The following HEATR5B variants were observed in gnomAD, a reference collection of about 807,000 sequenced individuals.
HEATR5B encodes the protein HEAT repeat-containing protein 5B.
Under a neutral mutation model 224.1 loss-of-function variants are expected in HEATR5B, and 156 were observed. The observed-to-expected ratio is 0.70, with a 90% CI of 0.61 to 0.80. HEATR5B has a LOEUF of 0.80. HEATR5B is among the 30% of genes least tolerant of loss of function. The pLI is 0.00. For missense variants in HEATR5B, 2,323 were observed against 2,535.5 expected, an observed-to-expected ratio of 0.92 and a Z score of 1.80; for synonymous variants, 1,027 against 893.0, an observed-to-expected ratio of 1.15 and a Z score of -2.68.
At chr2:37,004,821 A>G (rs1267910695) in intron 30 of HEATR5B, among the ~76,000 whole-genome samples, 1 of 151,742 alleles carries the variant, frequency 6.6e-6, no homozygotes, top group Non-Finnish European at 1.5e-5. Context: ...CAAGCTTCCA[A>G]TCTTGGTCCT....
chr2:37,041,758 TTAA>T (rs3084396), intron 18 of HEATR5B, among the ~76,000 whole-genome samples: 30 of 149,388 alleles, frequency 2.0e-4, no homozygotes, highest in Non-Finnish European at 3.3e-4. Flanking sequence ...AATAATAATA[TTAA>T]TAATAATAAT....
chr2:37,033,268 T>C (rs1217496299), intron 21 of HEATR5B, among the ~76,000 whole-genome samples: 1 of 152,166 alleles, frequency 6.6e-6, no homozygotes, highest in African/African-American at 2.4e-5. Context: ...GATGGCCTTT[T>C]GACAAAATAC....
intron 27 of HEATR5B, among the ~76,000 whole-genome samples, chr2:37,013,045 TAAA>T (rs1667887397): frequency 6.6e-6 from 1 of 151,820 alleles, no homozygotes. Context: ...GAGCTGAAGC[TAAA>T]CAACACTTTG....
chr2:36,985,520 T>G (rs371491438), intron 35 of HEATR5B, among the ~76,000 whole-genome samples: 4 of 147,948 alleles, frequency 2.7e-5, no homozygotes, highest in Non-Finnish European at 4.5e-5. Context: ...TGCAGTGGTG[T>G]GATCTCGGCT....
intron 3 of HEATR5B, among the ~76,000 whole-genome samples, chr2:37,078,052 T>C (rs1423466240): frequency 6.6e-6 from 1 of 152,220 alleles, no homozygotes. Flanking sequence ...AGCGGATGCT[T>C]TGGAGTCTAG....
At position 37,028,871 on chromosome 2, in the gene HEATR5B, G is replaced by T. The variant is rs778119805; in HGVS notation, c.3411C>A (p.Cys1137Ter). The T allele has an allele frequency of 6.2e-7, 1 of 1,613,810 alleles. No individual in the cohort carries two copies. Among genetic ancestry groups the T allele is most frequent in the Non-Finnish European group, 8.5e-7 (1 of 1,179,744 alleles). ...CTGTTATATTAACACCTTGGTGCCGGCAATGGATATCAGTTCGAGAACTAA... is the reference window on the plus strand; with the variant it reads ...CTGTTATATTAACACCTTGGTGCCGTCAATGGATATCAGTTCGAGAACTAA... ...PGVSSRTDIH[C>*]RHQGVNITET... Residue 1137 changes from cysteine (C) to a stop codon, truncating the protein, a stop_gained, in exon 23 of 36, where the codon TGC becomes TGA. Coordinates refer to ENST00000233099, the MANE Select transcript of HEATR5B (RefSeq NM_019024.3). LOFTEE classifies it high-confidence loss of function.
intron 24 of HEATR5B, among the ~76,000 whole-genome samples, chr2:37,024,845 G>C (rs556132912): frequency 3.9e-4 from 60 of 152,260 alleles, no homozygotes; most frequent in Non-Finnish European, 6.9e-4. Flanking sequence ...CCAACAACCA[G>C]AGTGCTGCTG....
rs144736173 is a variant in HEATR5B, at chr2:37,007,057, C to G, written c.4770G>C (p.Leu1590=). 1.2e-4 allele frequency: 187 copies of G among 1,613,612 alleles called. 1 individual carries two copies. The highest frequency in any genetic ancestry group is 3.3e-4 in the Admixed American group (20 of 59,988). The change falls in exon 29 of 36, where the codon CTG becomes CTC. Residue 1590 remains leucine (L), a synonymous_variant. Coordinates refer to ENST00000233099, the MANE Select transcript of HEATR5B (RefSeq NM_019024.3). Reference sequence around the variant, plus strand: ...TTAATATGACAGACCTACCTAAAATCAGATGCATTCTGTCTTTGTTAATTT... The same window carrying G: ...TTAATATGACAGACCTACCTAAAATGAGATGCATTCTGTCTTTGTTAATTT... ...LPEINKDRMH[L]ILGVSIQFLC...
chr2:37,039,361 G>C (rs979071730), intron 20 of HEATR5B, among the ~76,000 whole-genome samples: 1 of 151,770 alleles, frequency 6.6e-6, no homozygotes, highest in African/African-American at 2.4e-5. Context: ...AGCTACTCAG[G>C]AGGCTGAGGC....
chr2:37,011,050 A>G (rs1398780205), intron 27 of HEATR5B, among the ~76,000 whole-genome samples: 1 of 152,244 alleles, frequency 6.6e-6, no homozygotes, highest in African/African-American at 2.4e-5. Flanking sequence ...CTACAAAGAT[A>G]ATCTTTTTAA....
chr2:37,052,697 T>C (rs1037018384), intron 17 of HEATR5B, among the ~76,000 whole-genome samples: 14 of 152,172 alleles, frequency 9.2e-5, no homozygotes, highest in African/African-American at 3.4e-4. Context: ...ACAAGGGTTA[T>C]CTGAACATAG....
At chr2:37,025,113 T>C (rs551652099) in intron 24 of HEATR5B, among the ~76,000 whole-genome samples, 177 of 152,322 alleles carry the variant, frequency 1.2e-3, no homozygotes, top group African/African-American at 4.0e-3. Context: ...GTCTATACTT[T>C]TTCATATACT....
At chr2:37,038,914 GGT>G (rs200383489) in intron 20 of HEATR5B, among the ~76,000 whole-genome samples, 22,554 of 142,796 alleles carry the variant, frequency 0.16, 3,020 homozygotes, top group East Asian at 0.53. Flanking sequence ...GGGTGGGGGG[GGT>G]GGGGAATCAC....
In HEATR5B at chr2:37,060,608, A is replaced by G; in HGVS notation, c.1822T>C (p.Leu608=). Residue 608 remains leucine, a synonymous_variant, in exon 12 of 36, where the codon TTG becomes CTG. Coordinates refer to ENST00000233099, the MANE Select transcript of HEATR5B (RefSeq NM_019024.3). ...RGDSFTWQVT[L]EGRAGALCAM... ...CATAGAGCTCCAGCACGACCTTCCA[A>G]AGTTACCTGCCAGGTAAAAGAATCG... is the stretch of plus-strand genomic sequence containing the variant. 6.2e-7 allele frequency: 1 copy of G among 1,613,786 alleles called. No individual in the cohort carries two copies.
rs765503567 is a variant in HEATR5B, at chr2:37,028,037, T to G, written c.3739A>C (p.Thr1247Pro). 1 of 1,614,032 alleles carries G rather than the reference T, an allele frequency of 6.2e-7. No individual in the cohort carries two copies. The highest frequency in any genetic ancestry group is 8.5e-7 in the Non-Finnish European group (1 of 1,179,936). Residue 1247 changes from threonine to proline, a missense_variant, in exon 24 of 36, where the codon ACT becomes CCT. By Grantham distance (38) the Thr-to-Pro change is conservative (BLOSUM62 -1). Coordinates refer to ENST00000233099, the MANE Select transcript of HEATR5B (RefSeq NM_019024.3). ...AGGCAATCGGCAGCAAATACTCGAG[T>G]GGCCCAGCGAGGGGCCACAAAGGGC... ...SKPFVAPRWATRVFAADCLCR... is the reference protein window; with the variant it reads ...SKPFVAPRWAPRVFAADCLCR...
intron 22 of HEATR5B, among the ~76,000 whole-genome samples, chr2:37,029,418 CTT>C (rs1160340442): frequency 2.6e-5 from 4 of 152,186 alleles, no homozygotes; most frequent in Non-Finnish European, 5.9e-5. Flanking sequence ...AATCCCAGCA[CTT>C]TGGGAGGCTG....
intron 21 of HEATR5B, among the ~76,000 whole-genome samples, chr2:37,033,046 A>C (rs1002435272): frequency 6.6e-6 from 1 of 151,866 alleles, no homozygotes; most frequent in Non-Finnish European, 1.5e-5. Flanking sequence ...ACACCTGGCT[A>C]ATTTTTGTAT....
intron 16 of HEATR5B, among the ~76,000 whole-genome samples, chr2:37,054,484 T>G (rs1366397408): frequency 7.1e-6 from 1 of 139,944 alleles, no homozygotes; most frequent in Non-Finnish European, 1.5e-5. Context: ...CTCTGCATTT[T>G]TTTTTTTTTT....
chr2:37,075,128 G>A (rs1367657257), intron 5 of HEATR5B, among the ~76,000 whole-genome samples: 1 of 152,142 alleles, frequency 6.6e-6, no homozygotes. Flanking sequence ...GTTCACAGCA[G>A]TTTTTTTGTA....
Sources: allele counts gnomAD v4.1 joint callset (sites outside exome capture counted in the v4.1 genomes callset), GRCh38; gene constraint gnomAD v4.1.1; transcripts MANE v1.5; gene names NCBI Gene and HGNC (gene_info 2026-07-23, HGNC 2026-07-21).